NKIRAS1: variants seen among roughly 807,000 people sequenced by gnomAD.
The protein encoded by NKIRAS1 is NF-kappa-B inhibitor-interacting Ras-like protein 1.
In NKIRAS1, 16 loss-of-function variants were observed where a neutral mutation model predicts 19.8. That is an observed-to-expected ratio of 0.81 (90% confidence interval 0.55 to 1.23). NKIRAS1 has a LOEUF of 1.23. Ranked by LOEUF, NKIRAS1 falls within the 50% of genes most tolerant of loss-of-function variation. The pLI is 0.00. For synonymous variants in NKIRAS1, 88 were observed against 79.0 expected (o/e 1.11, Z -0.61); for missense variants, 184 against 220.0 (o/e 0.84, Z 1.04).
chr3:23,897,096 C>T (rs549492886), intron 4 of NKIRAS1, among the ~76,000 whole-genome samples: 1 of 151,988 alleles, frequency 6.6e-6, no homozygotes, highest in Non-Finnish European at 1.5e-5. Context: ...CCTGTAGTCC[C>T]AGCTACTCAG....
Position 23,926,995 on chromosome 3 carries a change from C to T in NKIRAS1, c.-139-15545G>A, listed in dbSNP as rs1443426811. 6.6e-6 allele frequency among the ~76,000 whole-genome samples: 1 copy of T among 152,180 alleles called. No individual in the cohort carries two copies. The highest frequency in any genetic ancestry group is 1.5e-5 in the Non-Finnish European group (1 of 68,046). ...CCCAAACAGGATGAAATCCATGTCGCAGTTTTTAACCAAGCAACACTCTCC... is the reference window on the plus strand; with the variant it reads ...CCCAAACAGGATGAAATCCATGTCGTAGTTTTTAACCAAGCAACACTCTCC... On this transcript the variant is annotated intron_variant, in intron 1 of 4. Transcript: ENST00000421515. This position sits in a 1 kb window ranked among gnomAD's most constrained non-coding sequence, Gnocchi z 4.3.
intron 3 of NKIRAS1, among the ~76,000 whole-genome samples, chr3:23,904,453 T>G (rs1702826202): frequency 6.6e-6 from 1 of 152,156 alleles, no homozygotes; most frequent in African/African-American, 2.4e-5. Context: ...GAGCACTCCC[T>G]TCAACCTCAA....
intron 3 of NKIRAS1, among the ~76,000 whole-genome samples, chr3:23,910,505 A>G (rs1405196772): frequency 2.6e-5 from 4 of 152,200 alleles, no homozygotes; most frequent in Non-Finnish European, 5.9e-5. Flanking sequence ...AATGTAATGA[A>G]TTTACACCAT....
At chr3:23,909,864 G>GTTTTTTTTT (rs201671440) in intron 3 of NKIRAS1, among the ~76,000 whole-genome samples, 1 of 135,554 alleles carries the variant, frequency 7.4e-6, no homozygotes, top group Admixed American at 7.5e-5. Flanking sequence ...GTTTTTTTTT[G>GTTTTTTTTT]TTTTTTTTTT....
In NKIRAS1 at chr3:23,937,066, C is replaced by T. The variant is rs566318052; in HGVS notation, c.-140+9257G>A. ...GGGACCCACCTGGGTCTCTAAGTCT[C>T]CTCTAAGTATTGGCGACAAGGTAGG... On this transcript the variant is annotated intron_variant, in intron 1 of 4. Transcript: ENST00000421515. Among the ~76,000 whole-genome samples, 4 of 152,260 alleles carry T rather than the reference C, an allele frequency of 2.6e-5. No homozygotes were observed. In the South Asian group the frequency reaches 8.3e-4, roughly 32 times the overall value.
At chr3:23,933,076 T>C (rs1387298934) in intron 1 of NKIRAS1, among the ~76,000 whole-genome samples, 1 of 152,152 alleles carries the variant, frequency 6.6e-6, no homozygotes, top group Non-Finnish European at 1.5e-5. Context: ...CAGAAGAACA[T>C]GAGAGCCAGA....
chr3:23,921,179 G>A (rs1705059129), upstream of NKIRAS1, among the ~76,000 whole-genome samples: 1 of 152,146 alleles, frequency 6.6e-6, no homozygotes, highest in Non-Finnish European at 1.5e-5. Context: ...GAGAGAAAGG[G>A]TTCGGGCCAA....
chr3:23,912,442 G>A (rs1041434026), intron 1 of NKIRAS1, among the ~76,000 whole-genome samples: 3 of 152,176 alleles, frequency 2.0e-5, no homozygotes, highest in Non-Finnish European at 4.4e-5. Context: ...ATGAAAAAAT[G>A]CTCATCATCA....
chr3:23,907,937 C>A (rs1703234183), intron 3 of NKIRAS1, among the ~76,000 whole-genome samples: 1 of 152,082 alleles, frequency 6.6e-6, no homozygotes, highest in Non-Finnish European at 1.5e-5. Context: ...GACAGAAAAA[C>A]TATGTATTTA....
At chr3:23,929,787 T>G (rs1705273652) in intron 1 of NKIRAS1, among the ~76,000 whole-genome samples, 1 of 152,148 alleles carries the variant, frequency 6.6e-6, no homozygotes, top group Non-Finnish European at 1.5e-5. Context: ...CCAGACTTCT[T>G]TAACATAATA....
rs1013802779 is a variant in NKIRAS1, at chr3:23,927,768, A to T, written c.-139-16318T>A. ...TAAGCTAGGATGTTTTGCTTATCAA[A>T]AAGAAAGATTCAAAAAATGATCATC... On this transcript the variant is annotated intron_variant, in intron 1 of 4. Coordinates refer to the NKIRAS1 transcript ENST00000421515. The surrounding 1 kb of genome is among the most constrained non-coding windows in gnomAD (Gnocchi z 4.0). Among the ~76,000 whole-genome samples the T allele has an allele frequency of 6.6e-6, 1 of 152,174 alleles. No individual in the cohort carries two copies. Among genetic ancestry groups the T allele is most frequent in the African/African-American group, 2.4e-5 (1 of 41,432 alleles).
At chr3:23,919,173 T>C (rs1161021581), upstream of NKIRAS1, 6 of 1,558,678 alleles carry the variant, frequency 3.8e-6, no homozygotes, top group South Asian at 2.2e-5. Flanking sequence ...GAGATTGACC[T>C]TGGGCCTTTT....
intron 4 of NKIRAS1, among the ~76,000 whole-genome samples, chr3:23,896,585 C>T (rs1218397846): frequency 6.6e-6 from 1 of 151,374 alleles, no homozygotes; most frequent in Non-Finnish European, 1.5e-5. Context: ...TGCACTCTAG[C>T]GTGGGCAATA....
chr3:23,894,045 T>G (rs955873300), intron 4 of NKIRAS1, among the ~76,000 whole-genome samples: 1 of 152,172 alleles, frequency 6.6e-6, no homozygotes, highest in Non-Finnish European at 1.5e-5. Context: ...GGAATTGTTG[T>G]GTTCACATTA....
At chr3:23,903,212 C>G (rs983637257) in intron 3 of NKIRAS1, among the ~76,000 whole-genome samples, 1 of 152,192 alleles carries the variant, frequency 6.6e-6, no homozygotes, top group Non-Finnish European at 1.5e-5. Context: ...CTCCTGGGCT[C>G]AAGCGATCCT....
At chr3:23,900,736 T>C (rs1559502788) in intron 4 of NKIRAS1, 72 bp downstream of exon 4, 1 of 1,181,636 alleles carries the variant, frequency 8.5e-7, no homozygotes, top group Non-Finnish European at 1.2e-6. Context: ...GAAAATAAAC[T>C]ACCCAAAAGT....
In NKIRAS1 at chr3:23,892,104, T is replaced by A. The variant is rs944234679; in HGVS notation, c.*991A>T. 1 of 152,252 alleles carries A rather than the reference T, an allele frequency of 6.6e-6. No individual in the cohort carries two copies. Among genetic ancestry groups the A allele is most frequent in the Admixed American group, 6.5e-5 (1 of 15,286 alleles). The allele number at this position is 152,252 out of a possible 1,614,324, so 9.4% of individuals were successfully genotyped here. On this transcript the variant is annotated 3_prime_UTR_variant, in exon 5 of 5. Transcript: ENST00000425478. Reference sequence around the variant, plus strand: ...ACTTGATGTTTTAATATGTTCTTTGTTGAATAGCTTATTTTACATTTCAGT... The same window carrying A: ...ACTTGATGTTTTAATATGTTCTTTGATGAATAGCTTATTTTACATTTCAGT...
In NKIRAS1 at chr3:23,946,123, C is replaced by T. The variant is rs1161705820; in HGVS notation, c.-140+200G>A. 1.1e-5 allele frequency: 11 copies of T among 985,026 alleles called. No homozygotes were observed. The African/African-American group carries it at 1.2e-4, about 11-fold the overall frequency. 61.0% of individuals were successfully genotyped at this position (985,026 alleles called of 1,614,324 possible). ...GGGGCAGTGACGTCGCCGCGATTCC[C>T]TCCTCCCCCGCGGGGTTGCACACTG... On this transcript the variant is annotated intron_variant, in intron 1 of 4. Coordinates refer to the NKIRAS1 transcript ENST00000421515.
chr3:23,917,492 ATCC>A (rs1440270068), upstream of NKIRAS1: 2 of 169,100 alleles, frequency 1.2e-5, no homozygotes, highest in African/African-American at 4.8e-5. Context: ...TCGAGAGTTA[ATCC>A]TCGGTGGCCG....
Sources: allele counts gnomAD v4.1 joint callset (sites outside exome capture counted in the v4.1 genomes callset), GRCh38; gene constraint gnomAD v4.1.1; non-coding constraint Gnocchi (gnomAD v3.1); transcripts MANE v1.5; gene names NCBI Gene and HGNC (gene_info 2026-07-23, HGNC 2026-07-21).